The following PTPRO variants were observed in gnomAD, a reference collection of about 807,000 sequenced individuals.
PTPRO encodes the protein protein tyrosine phosphatase receptor type O.
In PTPRO, 62 loss-of-function variants were observed where a neutral mutation model predicts 145.2. That is an observed-to-expected ratio of 0.43 (90% CI 0.35 to 0.53). The LOEUF (loss-of-function observed/expected upper bound fraction) is 0.53. PTPRO is among the 20% of genes least tolerant of loss of function. PTPRO has a pLI of 0.01. For missense variants in PTPRO, 1,345 were observed against 1,482.7 expected (o/e 0.91, Z 1.53); for synonymous variants, 565 against 514.7 (o/e 1.10, Z -1.32).
rs1944683769 is a variant in PTPRO, at chr12:15,597,649, T to C, written c.*1576T>C. On this transcript the variant is annotated 3_prime_UTR_variant, in exon 27 of 27. Coordinates refer to ENST00000281171, the MANE Select transcript of PTPRO (RefSeq NM_030667.3). ...GACCTTGGCAGAGTTTCTTGCAAGA[T>C]CTGGCCAGTGAGTCTCAGTTTCACC... 1.3e-5 allele frequency among the ~76,000 whole-genome samples: 2 copies of C among 152,146 alleles called. No individual in the cohort carries two copies. The highest frequency in any genetic ancestry group is 1.3e-4 in the Admixed American group (2 of 15,282).
At chr12:15,525,707 A>G (rs61910075) in intron 11 of PTPRO, among the ~76,000 whole-genome samples, 23,794 of 152,186 alleles carry the variant, frequency 0.16, 2,015 homozygotes, top group Non-Finnish European at 0.18. Context: ...GCTGGGTCAC[A>G]TCATCCCCTC....
Position 15,475,234 on chromosome 12 carries a change from A to G in PTPRO, c.76-8740A>G, listed in dbSNP as rs544123938. Among the ~76,000 whole-genome samples the G allele has an allele frequency of 1.1e-4, 16 of 152,324 alleles. 1 individual carries two copies. The highest frequency in any genetic ancestry group is 3.8e-4 in the African/African-American group (16 of 41,560). On this transcript the variant is annotated intron_variant, in intron 1 of 26. Coordinates refer to ENST00000281171, the MANE Select transcript of PTPRO (RefSeq NM_030667.3). ...AAAACATAGAGAAAGAATTCTTCAT[A>G]ATTACATATTTGATGCTTATGAACT...
rs939563955 is a variant in PTPRO, at chr12:15,350,433, C to G, written c.75+27632C>G. Among the ~76,000 whole-genome samples, 4 of 152,170 alleles carry G rather than the reference C, an allele frequency of 2.6e-5. No homozygotes were observed. The East Asian group carries it at 7.7e-4, about 29-fold the overall frequency. On this transcript the variant is annotated intron_variant, in intron 1 of 26. Transcript: ENST00000281171. ...TGTTTTTAACTGCTTAATGAGCATA[C>G]TGACTTCCCACCCTACCCCCCAATT...
At chr12:15,520,350 G>T in intron 10 of PTPRO, 38 bp downstream of exon 10, 1 of 1,481,014 alleles carries the variant, frequency 6.8e-7, no homozygotes, top group Non-Finnish European at 9.4e-7. Flanking sequence ...CAAGGAGAGA[G>T]CATTATTGTG....
rs779316725 is a variant in PTPRO, at chr12:15,565,616, G to A, written c.2735G>A (p.Arg912Lys). ...NPWSKNGLKK[R>K]KLTNPVQLDD... The stretch of plus-strand genomic sequence containing the variant: ...AGGAGTAAAAATGGTTTAAAGAAGA[G>A]GAAACTGACAAAGTAAGTTTTTCTT... The change falls in exon 18 of 27, where the codon AGG becomes AAG. Residue 912 changes from arginine (R) to lysine (K), a missense_variant. This residue lies in a region of PTPRO where 1,130 missense variants were observed against 1,214.7 expected (regional missense o/e 0.93). Transcript: ENST00000281171. The A allele has an allele frequency of 1.4e-6, 2 of 1,453,804 alleles. No individual in the cohort carries two copies. Among genetic ancestry groups the A allele is most frequent in the South Asian group, 1.1e-5 (1 of 87,276 alleles). The allele number at this position is 1,453,804 out of a possible 1,614,324, so 90.1% of individuals were successfully genotyped here. A position where few individuals can be genotyped will look rare whatever the true frequency, so the allele number is the denominator to read the frequency against.
intron 13 of PTPRO, among the ~76,000 whole-genome samples, chr12:15,547,146 A>T (rs191949465): frequency 3.3e-5 from 5 of 152,232 alleles, no homozygotes; most frequent in Non-Finnish European, 7.3e-5. Context: ...GTAAAGTAAA[A>T]TATAAGTACC....
chr12:15,520,839 GT>G (rs911296691), intron 10 of PTPRO, among the ~76,000 whole-genome samples: 12 of 151,914 alleles, frequency 7.9e-5, no homozygotes, highest in East Asian at 3.9e-4. Flanking sequence ...TTCTAAATAT[GT>G]TTTTTTTAAT....
chr12:15,524,871 G>T lies in PTPRO; in HGVS notation c.1949G>T (p.Ser650Ile), dbSNP rs1320148053. Residue 650 changes from serine (S) to isoleucine (I), a missense_variant, in exon 11 of 27, where the codon AGT becomes ATT. Ser to Ile is a moderately radical substitution (Grantham distance 142, BLOSUM62 -2). Around this residue, in one of 3 missense-constraint regions of PTPRO, gnomAD observed 1,130 missense variants for 1,214.7 expected, o/e 0.93. Coordinates refer to ENST00000281171, the MANE Select transcript of PTPRO (RefSeq NM_030667.3). ...TATTTCAACAGTCTGTTATATATCA[G>T]TTGGACATATGGGGATGATACAACG... ...VEYFNSLLYISWTYGDDTTDL... is the reference protein window; with the variant it reads ...VEYFNSLLYIIWTYGDDTTDL... 6.2e-7 allele frequency: 1 copy of T among 1,613,280 alleles called. No homozygotes were observed. Among genetic ancestry groups the T allele is most frequent in the Non-Finnish European group, 8.5e-7 (1 of 1,179,232 alleles).
intron 1 of PTPRO, among the ~76,000 whole-genome samples, chr12:15,369,342 A>T (rs1938454841): frequency 1.3e-5 from 2 of 152,306 alleles, no homozygotes; most frequent in South Asian, 4.1e-4. Context: ...AGGGTCTTCA[A>T]CCAGTTTCTC....
intron 3 of PTPRO, 33 bp from the exon 4 acceptor site, chr12:15,499,409 A>G (rs912784201): frequency 1.3e-6 from 2 of 1,598,710 alleles, no homozygotes; most frequent in Non-Finnish European, 1.7e-6. Flanking sequence ...TTAGAAGACC[A>G]TATTTTTCAT....
intron 1 of PTPRO, among the ~76,000 whole-genome samples, chr12:15,448,338 G>GAAAAAAAAA (rs1565635275): frequency 3.9e-3 from 15 of 3,862 alleles, no homozygotes; most frequent in South Asian, 0.05. Context: ...CCTGTTCCTA[G>GAAAAAAAAA]TAAAAAAAAA....
At chr12:15,497,988 G>T (rs1017515752) in intron 3 of PTPRO, among the ~76,000 whole-genome samples, 2 of 152,114 alleles carry the variant, frequency 1.3e-5, no homozygotes, top group Non-Finnish European at 2.9e-5. Flanking sequence ...CTGGGTGGAA[G>T]GGGCTAGAGG....
chr12:15,462,108 T>C (rs1941317179), intron 1 of PTPRO, among the ~76,000 whole-genome samples: 1 of 152,076 alleles, frequency 6.6e-6, no homozygotes, highest in Non-Finnish European at 1.5e-5. Context: ...CCAGCCTCTT[T>C]ACTTAGCTTA....
At position 15,445,833 on chromosome 12, in the gene PTPRO, A is replaced by G. The variant is rs185780832; in HGVS notation, c.76-38141A>G. ...TCAATAAATTAATCCTTATCTCCCT[A>G]GGCCAGGTCTTTGACATGTCTGGAA... On this transcript the variant is annotated intron_variant, in intron 1 of 26. Transcript: ENST00000281171. Among the ~76,000 whole-genome samples, 389 of 152,248 alleles carry G rather than the reference A, an allele frequency of 2.6e-3. 1 individual carries two copies. Among genetic ancestry groups the G allele is most frequent in the African/African-American group, 9.1e-3 (379 of 41,556 alleles).
At chr12:15,497,980 G>GGGT (rs1942142015) in intron 3 of PTPRO, among the ~76,000 whole-genome samples, 2 of 152,106 alleles carry the variant, frequency 1.3e-5, no homozygotes, top group South Asian at 4.2e-4. Flanking sequence ...CAACTTCTCT[G>GGGT]GGTGGAAGGG....
intron 4 of PTPRO, among the ~76,000 whole-genome samples, chr12:15,500,863 A>C (rs531183942): frequency 3.3e-5 from 5 of 152,214 alleles, no homozygotes; most frequent in Non-Finnish European, 5.9e-5. Context: ...CGGAGGTTGC[A>C]GTGAGCCGAG....
intron 1 of PTPRO, among the ~76,000 whole-genome samples, chr12:15,465,049 AG>A (rs1309338342): frequency 6.6e-6 from 1 of 152,248 alleles, no homozygotes; most frequent in East Asian, 1.9e-4. Context: ...GTCAAGTAAA[AG>A]TAATAATGTT....
chr12:15,391,109 A>G (rs1414108300), intron 1 of PTPRO, among the ~76,000 whole-genome samples: 2 of 152,228 alleles, frequency 1.3e-5, no homozygotes, highest in Non-Finnish European at 2.9e-5. Context: ...CAATACCATT[A>G]CATTGGGGGC....
intron 1 of PTPRO, among the ~76,000 whole-genome samples, chr12:15,357,356 T>G (rs1273434731): frequency 6.6e-6 from 1 of 152,218 alleles, no homozygotes; most frequent in Non-Finnish European, 1.5e-5. Flanking sequence ...ATGTGTTCAA[T>G]AACTTGACTG....
Sources: gnomAD v4.1 joint callset for allele counts (sites outside exome capture counted in the v4.1 genomes callset) on GRCh38, gnomAD v4.1.1 for gene constraint, gnomAD v4.1.1 regional missense constraint, MANE v1.5 for transcripts, NCBI Gene and HGNC (gene_info 2026-07-23, HGNC 2026-07-21) for gene names.